TSPAN32: variants seen among roughly 807,000 people sequenced by gnomAD.
The protein encoded by TSPAN32 is tetraspanin 32, also known as tetraspanin-32.
Under a neutral mutation model 42.7 loss-of-function variants are expected in TSPAN32, and 47 were observed. That is an observed-to-expected ratio of 1.10 (90% CI 0.87 to 1.40). TSPAN32 has a LOEUF of 1.40. Among genes scored for constraint, TSPAN32 ranks in the 40% most tolerant of loss-of-function variants. TSPAN32 has a pLI of 0.00. For missense variants in TSPAN32, 469 were observed against 424.1 expected, an observed-to-expected ratio of 1.11 and a Z score of -0.93; for synonymous variants, 175 against 175.9, an observed-to-expected ratio of 0.99 and a Z score of 0.04.
chr11:2,308,864 G>A, intron 4 of TSPAN32, 54 bp downstream of exon 4: 1 of 1,209,178 alleles, frequency 8.3e-7, no homozygotes, highest in Non-Finnish European at 1.2e-6. Context: ...TAAGCCAGTG[G>A]GCACCTGGGG....
chr11:2,309,536 G>A lies in TSPAN32; in HGVS notation c.354+726G>A, dbSNP rs112980712. On this transcript the variant is annotated intron_variant, in intron 4 of 9. Coordinates refer to ENST00000182290, the MANE Select transcript of TSPAN32 (RefSeq NM_139022.3). The stretch of plus-strand genomic sequence containing the variant: ...GTGAGAGCCCCCAGGGCAGCCGGGC[G>A]GCACCAGGGACAGCCACGGGCAGGG... 2,456 of 356,300 alleles carry A rather than the reference G, an allele frequency of 6.9e-3. 54 individuals are homozygous for A. Among genetic ancestry groups the A allele is most frequent in the African/African-American group, 0.047 (2,236 of 47,354 alleles). 22.1% of individuals were successfully genotyped at this position (356,300 alleles called of 1,614,324 possible).
intron 3 of TSPAN32, among the ~76,000 whole-genome samples, chr11:2,305,410 C>A (rs1451019854): frequency 2.6e-5 from 4 of 151,824 alleles, no homozygotes; most frequent in African/African-American, 9.7e-5. Context: ...AAAGGGACAC[C>A]TGGATGGAAG....
At chr11:2,306,551 GAGAAAGAGAGAA>G (rs763170160) in intron 3 of TSPAN32, among the ~76,000 whole-genome samples, 10 of 143,016 alleles carry the variant, frequency 7.0e-5, no homozygotes, top group Non-Finnish European at 1.3e-4. Flanking sequence ...GGGGGAGAGA[GAGAAAGAGAGAA>G]AGAGAGAAAG....
At chr11:2,314,121 G>A (rs1334234412) in intron 5 of TSPAN32, among the ~76,000 whole-genome samples, 2 of 148,624 alleles carry the variant, frequency 1.3e-5, no homozygotes, top group Non-Finnish European at 3.0e-5. Context: ...CCAGGAGTTC[G>A]AGACCAGCCT....
chr11:2,308,817 A>C lies in TSPAN32; in HGVS notation c.354+7A>C. Reference sequence around the variant, plus strand: ...ACTCCACAGCCCCACCCAGGTGAGCACCAGCTGCCCCTACCCTGCAGTGGA... The same window carrying C: ...ACTCCACAGCCCCACCCAGGTGAGCCCCAGCTGCCCCTACCCTGCAGTGGA... On this transcript the variant is annotated splice_region_variant and intron_variant, in intron 4 of 9. Transcript: ENST00000182290. 1 of 1,557,346 alleles carries C rather than the reference A, an allele frequency of 6.4e-7. No individual in the cohort carries two copies.
chr11:2,313,861 G>A lies in TSPAN32; in HGVS notation c.456+106G>A. Reference sequence around the variant, plus strand: ...GTGAGAGGTCTGGCCAGGCACCGAGGGGGTTCCAGGACACAGGCCAGAGTT... The same window carrying A: ...GTGAGAGGTCTGGCCAGGCACCGAGAGGGTTCCAGGACACAGGCCAGAGTT... On this transcript the variant is annotated intron_variant, in intron 5 of 9. Coordinates refer to ENST00000182290, the MANE Select transcript of TSPAN32 (RefSeq NM_139022.3). This position sits in a 1 kb window ranked among gnomAD's most constrained non-coding sequence, Gnocchi z 9.1. The A allele has an allele frequency of 1.1e-6, 1 of 911,028 alleles. No homozygotes were observed. Among genetic ancestry groups the A allele is most frequent in the East Asian group, 2.7e-5 (1 of 37,354 alleles). 56.4% of individuals were successfully genotyped at this position (911,028 alleles called of 1,614,324 possible).
intron 3 of TSPAN32, chr11:2,306,873 G>GA (rs1477459615): frequency 3.6e-5 from 4 of 112,252 alleles, no homozygotes; most frequent in South Asian, 3.9e-4. Context: ...AAGAAGGAGG[G>GA]AGGGGGAGAA....
Position 2,314,496 on chromosome 11 carries a change from TG to T in TSPAN32, c.471del (p.Lys158ArgfsTer34). Reference protein sequence around the residue: ...AAIQDVFLCCGKKSPFSRLGS... With the variant: ...AAIQDVFLCCXKKSPFSRLGS... Reference sequence around the variant, plus strand: ...TTCTGTTCCTGTAGTTTCTGTGCTGTGGGAAGAAGTCTCCTTTCAGCCGTCT... The same window carrying T: ...TTCTGTTCCTGTAGTTTCTGTGCTGTGGAAGAAGTCTCCTTTCAGCCGTCT... On this transcript the variant is annotated frameshift_variant, in exon 6 of 10. Transcript: ENST00000182290. LOFTEE classifies it high-confidence loss of function. The T allele has an allele frequency of 6.2e-7, 1 of 1,612,186 alleles. No individual in the cohort carries two copies. The highest frequency in any genetic ancestry group is 8.5e-7 in the Non-Finnish European group (1 of 1,179,208).
At chr11:2,314,168 AAAAAAAAAAAG>A (rs1490320951) in intron 5 of TSPAN32, among the ~76,000 whole-genome samples, 1 of 151,282 alleles carries the variant, frequency 6.6e-6, no homozygotes, top group Non-Finnish European at 1.5e-5. Context: ...ACTTTAAAAA[AAAAAAAAAAAG>A]AAAAGAAAAA....
In TSPAN32 at chr11:2,316,192, G is replaced by A. The variant is rs773806208; in HGVS notation, c.544-37G>A. The A allele has an allele frequency of 2.2e-5, 33 of 1,518,948 alleles. No individual in the cohort carries two copies. In the Middle Eastern group the frequency reaches 5.1e-4, roughly 24 times the overall value. The allele number at this position is 1,518,948 out of a possible 1,614,324, so 94.1% of individuals were successfully genotyped here. A position where few individuals can be genotyped will look rare whatever the true frequency, so the allele number is the denominator to read the frequency against. ...GCCGCTTGTCCAGGCAGGGAGGGCC[G>A]CTCAGGGCGGGTACCATGCCTGCTG... On this transcript the variant is annotated intron_variant, in intron 6 of 9. Transcript: ENST00000182290.
At position 2,317,457 on chromosome 11, in the gene TSPAN32, G is replaced by A. The variant is rs1463808926; in HGVS notation, c.833G>A (p.Ser278Asn). The A allele has an allele frequency of 1.4e-5, 22 of 1,602,056 alleles. No individual in the cohort carries two copies. Among genetic ancestry groups the A allele is most frequent in the Non-Finnish European group, 1.5e-5 (18 of 1,174,624 alleles). Residue 278 changes from serine (S) to asparagine (N), a missense_variant, in exon 9 of 10, where the codon AGT (serine) becomes AAT (asparagine). Transcript: ENST00000182290. The surrounding 1 kb of genome is among the most constrained non-coding windows in gnomAD (Gnocchi z 6.2). Reference protein sequence around the residue: ...VAIGPRGCSGSLRWLQESDAA... With the variant: ...VAIGPRGCSGNLRWLQESDAA... Reference sequence around the variant, plus strand: ...ATTGGTCCAAGAGGATGCTCGGGTAGTCTTCGGTGGCTGCAGGAGAGCGAT... The same window carrying A: ...ATTGGTCCAAGAGGATGCTCGGGTAATCTTCGGTGGCTGCAGGAGAGCGAT...
chr11:2,307,708 G>A (rs898428201), intron 3 of TSPAN32, among the ~76,000 whole-genome samples: 1 of 152,174 alleles, frequency 6.6e-6, no homozygotes, highest in Non-Finnish European at 1.5e-5. Context: ...AGAGAACAAC[G>A]GGCAAGTGCC....
chr11:2,316,509 G>C, intron 7 of TSPAN32, 67 bp from the exon 8 acceptor site: 1 of 1,608,346 alleles, frequency 6.2e-7, no homozygotes, highest in Non-Finnish European at 8.5e-7. Flanking sequence ...GCAGAGTCCT[G>C]ATGCTTCCTG....
rs764787789 is a variant in TSPAN32 at position 2,314,582 on chromosome 11, G to C, written c.543+11G>C. 5.4e-5 allele frequency: 86 copies of C among 1,598,656 alleles called. No individual in the cohort carries two copies. Among genetic ancestry groups the C allele is most frequent in the Non-Finnish European group, 6.6e-5 (77 of 1,172,254 alleles). ...GAGGCGGCGAGAGAGGTGAGGGGGG[G>C]ACCTGGATGCTGGCCAGGCAAGACC... is the stretch of plus-strand genomic sequence containing the variant. On this transcript the variant is annotated intron_variant, in intron 6 of 9. Transcript: ENST00000182290.
chr11:2,315,630 A>G (rs1848741100), intron 6 of TSPAN32: 2 of 1,183,534 alleles, frequency 1.7e-6, no homozygotes, highest in East Asian at 5.9e-5. Context: ...CAGGAGGGTG[A>G]GCCCTGAGAC....
intron 2 of TSPAN32, chr11:2,303,184 A>G: frequency 1.8e-6 from 1 of 557,120 alleles, no homozygotes; most frequent in Non-Finnish European, 3.2e-6. Context: ...GCCCCACAGG[A>G]GCGTGGGCAC....
At chr11:2,314,673 G>A in intron 6 of TSPAN32, 102 bp downstream of exon 6, 1 of 913,634 alleles carries the variant, frequency 1.1e-6, no homozygotes. Flanking sequence ...CCCACCCCTT[G>A]GCCTCCCCAG....
At chr11:2,316,458 G>A in intron 7 of TSPAN32, 118 bp from the exon 8 acceptor site, 1 of 1,566,956 alleles carries the variant, frequency 6.4e-7, no homozygotes, top group Non-Finnish European at 8.6e-7. Flanking sequence ...GCTCTGGTGT[G>A]ACAGGGCCTG....
intron 4 of TSPAN32, among the ~76,000 whole-genome samples, chr11:2,310,899 T>C (rs1848423434): frequency 6.6e-6 from 1 of 152,040 alleles, no homozygotes; most frequent in Non-Finnish European, 1.5e-5. Flanking sequence ...GCACATCCCG[T>C]CTCCTGCCCT....
Sources: gnomAD v4.1 joint callset for allele counts (sites outside exome capture counted in the v4.1 genomes callset) on GRCh38, gnomAD v4.1.1 for gene constraint, Gnocchi (gnomAD v3.1) non-coding constraint, MANE v1.5 for transcripts, NCBI Gene and HGNC (gene_info 2026-07-23, HGNC 2026-07-21) for gene names.